The following IRAG2 variants were observed in gnomAD, a reference collection of about 807,000 sequenced individuals.
IRAG2 encodes the protein lymphoid restricted membrane protein.
In IRAG2, 45 loss-of-function variants were observed where a neutral mutation model predicts 69.9. That is an observed-to-expected ratio of 0.64 (90% CI 0.51 to 0.83). IRAG2 has a LOEUF of 0.83. Among genes scored for constraint, IRAG2 ranks in the 40% least tolerant of loss-of-function variants. The pLI is 0.00. For synonymous variants in IRAG2, 193 were observed against 202.4 expected (o/e 0.95, Z 0.40); for missense variants, 520 against 587.0 (o/e 0.89, Z 1.18).
At chr12:25,072,244 G>A (rs1001798997) in intron 6 of IRAG2, among the ~76,000 whole-genome samples, 3 of 152,032 alleles carry the variant, frequency 2.0e-5, no homozygotes, top group Non-Finnish European at 4.4e-5. Context: ...AAAAGAAATA[G>A]GTGCTAACAG....
intron 3 of IRAG2, chr12:25,015,141 A>C (rs1944514717): frequency 2.5e-6 from 2 of 814,442 alleles, no homozygotes; most frequent in African/African-American, 2.1e-5. Flanking sequence ...AAAGAATCCT[A>C]GCTCACTGGT....
intron 6 of IRAG2, among the ~76,000 whole-genome samples, chr12:25,076,078 C>T (rs73284732): frequency 0.041 from 5,932 of 144,948 alleles, 363 homozygotes; most frequent in African/African-American, 0.13. Flanking sequence ...GAAACCAGAT[C>T]AAAAAAAAAA....
At chr12:25,087,371 T>C (rs141363344) in intron 10 of IRAG2, among the ~76,000 whole-genome samples, 1 of 152,120 alleles carries the variant, frequency 6.6e-6, no homozygotes, top group East Asian at 1.9e-4. Context: ...TTTTGCCATG[T>C]TGGCCAGGCT....
chr12:25,075,519 TGC>T (rs1319856249), intron 6 of IRAG2, among the ~76,000 whole-genome samples: 2 of 112,332 alleles, frequency 1.8e-5, no homozygotes, highest in Non-Finnish European at 1.9e-5. Context: ...TGTGTGTGTA[TGC>T]GTGTGTGTGT....
At chr12:25,053,368 T>C (rs559585888) in intron 1 of IRAG2, among the ~76,000 whole-genome samples, 1 of 152,102 alleles carries the variant, frequency 6.6e-6, no homozygotes. Context: ...CTTGCTCGTC[T>C]ATTTTCTTTG....
At chr12:25,026,038 T>C (rs1406275431) in intron 8 of IRAG2, among the ~76,000 whole-genome samples, 5 of 152,206 alleles carry the variant, frequency 3.3e-5, no homozygotes, top group Admixed American at 1.3e-4. Context: ...CTTTGTATTG[T>C]GAAAGCAGTC....
chr12:25,061,635 C>T lies in IRAG2; in HGVS notation c.-403C>T, dbSNP rs1177152823. The T allele has an allele frequency of 5.0e-6, 2 of 398,428 alleles. No homozygotes were observed. Among genetic ancestry groups the T allele is most frequent in the African/African-American group, 2.1e-5 (1 of 48,620 alleles). The allele number at this position is 398,428 out of a possible 1,614,324, so 24.7% of individuals were successfully genotyped here. ...AAAAGGAGTTCATTGAAGGGGAACA[C>T]CATGGCTTGCTGTTTCAGGTAAAAT... On this transcript the variant is annotated 5_prime_UTR_variant, in exon 2 of 22. Coordinates refer to ENST00000556887, the MANE Select transcript of IRAG2 (RefSeq NM_001366544.2).
chr12:25,023,117 A>G (rs1944595244), intron 7 of IRAG2, among the ~76,000 whole-genome samples: 1 of 127,852 alleles, frequency 7.8e-6, no homozygotes, highest in South Asian at 2.9e-4. Context: ...CAAGAGCGAG[A>G]CTTCGTCTCA....
chr12:25,007,837 C>T (rs955176346), intron 2 of IRAG2, among the ~76,000 whole-genome samples: 1 of 152,122 alleles, frequency 6.6e-6, no homozygotes, highest in South Asian at 2.1e-4. Flanking sequence ...TTTTATTTCA[C>T]AGTTTACCAC....
intron 1 of IRAG2, among the ~76,000 whole-genome samples, chr12:25,061,282 T>C (rs2139967640): frequency 6.6e-6 from 1 of 152,292 alleles, no homozygotes; most frequent in Middle Eastern, 3.4e-3. Flanking sequence ...CCCAGCACTG[T>C]GGGAGGCCGG....
At chr12:25,012,827 AAGAG>A (rs879298525) in intron 3 of IRAG2, among the ~76,000 whole-genome samples, 1 of 152,202 alleles carries the variant, frequency 6.6e-6, no homozygotes, top group African/African-American at 2.4e-5. Flanking sequence ...CCGTCTCAAA[AAGAG>A]AGAAAATGTC....
At chr12:25,022,077 C>T (rs1944585596) in intron 7 of IRAG2, among the ~76,000 whole-genome samples, 1 of 152,174 alleles carries the variant, frequency 6.6e-6, no homozygotes, top group Admixed American at 6.5e-5. Flanking sequence ...CACATAGTCA[C>T]TCTAAGCCCG....
In IRAG2 at chr12:25,012,143, CCTTTTTTTT is replaced by C. The variant is rs1206059188; in HGVS notation, c.896+593_896+601del. On this transcript the variant is annotated intron_variant, in intron 3 of 38. Coordinates refer to the IRAG2 transcript ENST00000636465. ...GTCTTCTTCCACAGAAAGCGAATTC[CCTTTTTTTT>C]TTTTTTTTTTTTTTTTTTCTGAGAC... is the stretch of plus-strand genomic sequence containing the variant. Among the ~76,000 whole-genome samples, 77 of 24,100 alleles carry C rather than the reference CCTTTTTTTT, an allele frequency of 3.2e-3. 3 individuals are homozygous for C. Among genetic ancestry groups the C allele is most frequent in the Non-Finnish European group, 6.7e-3 (49 of 7,322 alleles). The allele number at this position is 24,100 out of a possible 152,430, so 15.8% of individuals were successfully genotyped here.
In IRAG2 at chr12:25,089,616, T is replaced by A. The variant is rs1450002465; in HGVS notation, c.376T>A (p.Ser126Thr). The A allele has an allele frequency of 6.3e-7, 1 of 1,575,702 alleles. No individual in the cohort carries two copies. The highest frequency in any genetic ancestry group is 1.7e-5 in the Admixed American group (1 of 59,412). Residue 126 changes from serine (S) to threonine (T), a missense_variant and splice_region_variant, in exon 12 of 22, where the codon TCT becomes ACT. Ser to Thr is a moderately conservative substitution (Grantham distance 58, BLOSUM62 1). Coordinates refer to ENST00000556887, the MANE Select transcript of IRAG2 (RefSeq NM_001366544.2). Reference sequence around the variant, plus strand: ...AATATTTTATTATATTTTAATAGACTCTGTGGTTTCCCCTCTTCCTGTAAC... The same window carrying A: ...AATATTTTATTATATTTTAATAGACACTGTGGTTTCCCCTCTTCCTGTAAC... The part of the protein sequence containing the change: ...EHKKEHASGD[S>T]VVSPLPVTTV...
rs187747079 is a variant in IRAG2 at position 25,041,196 on chromosome 12, G to A, written c.2144+3059G>A. 4.6e-5 allele frequency among the ~76,000 whole-genome samples: 7 copies of A among 152,202 alleles called. No homozygotes were observed. In the South Asian group the frequency reaches 1.0e-3, roughly 23 times the overall value. ...GAAGCCGCCATGGCTGGGGCAGGGT[G>A]GGGGGTAAGCAGTGGTAGGATGTGG... On this transcript the variant is annotated intron_variant, in intron 16 of 38. Coordinates refer to the IRAG2 transcript ENST00000636465.
intron 2 of IRAG2, among the ~76,000 whole-genome samples, chr12:25,006,086 C>T (rs1018284752): frequency 5.3e-5 from 8 of 151,870 alleles, no homozygotes; most frequent in African/African-American, 1.9e-4. Context: ...AGACACTTCT[C>T]AAAAGAAGAC....
At chr12:25,104,085 T>C (rs1948900978) in intron 19 of IRAG2, 27 bp downstream of exon 19, 13 of 1,600,418 alleles carry the variant, frequency 8.1e-6, no homozygotes, top group Non-Finnish European at 1.1e-5. Flanking sequence ...GGTTCCTCTT[T>C]GGGAACCTTA....
chr12:25,062,226 A>G (rs1945678915), intron 2 of IRAG2, among the ~76,000 whole-genome samples: 1 of 152,180 alleles, frequency 6.6e-6, no homozygotes, highest in South Asian at 2.1e-4. Flanking sequence ...AAGATGATGG[A>G]GGAGGAAAGA....
At chr12:25,082,316 A>T (rs2140122106) in intron 9 of IRAG2, among the ~76,000 whole-genome samples, 1 of 152,256 alleles carries the variant, frequency 6.6e-6, no homozygotes, top group East Asian at 1.9e-4. Context: ...AACTAAAGTA[A>T]GGGCTAGGCA....
Sources: allele counts gnomAD v4.1 joint callset (sites outside exome capture counted in the v4.1 genomes callset), GRCh38; gene constraint gnomAD v4.1.1; transcripts MANE v1.5; gene names NCBI Gene and HGNC (gene_info 2026-07-23, HGNC 2026-07-21).